Variants in KCNG3 observed in about 807,000 individuals in gnomAD.
The protein encoded by KCNG3 is potassium voltage-gated channel modifier subfamily G member 3.
A neutral mutation model predicts 29.0 loss-of-function variants in KCNG3; 15 were observed. The ratio of observed to expected loss-of-function variants is 0.52; its 90% CI spans 0.35 to 0.80. The LOEUF (loss-of-function observed/expected upper bound fraction) is 0.80, where lower values mean the gene tolerates loss of function less well. KCNG3 is among the 30% of genes least tolerant of loss of function. The pLI, the probability that KCNG3 is intolerant of heterozygous loss-of-function variation, is 0.01. For missense variants in KCNG3, 512 were observed against 605.7 expected (o/e 0.85, Z 1.62); for synonymous variants, 322 against 248.9 (o/e 1.29, Z -2.76).
At chr2:42,459,422 C>A (rs574934054) in intron 1 of KCNG3, among the ~76,000 whole-genome samples, 1 of 152,278 alleles carries the variant, frequency 6.6e-6, no homozygotes, top group East Asian at 1.9e-4. Context: ...AACTAATGTG[C>A]ACAAAGGAGG....
intron 1 of KCNG3, among the ~76,000 whole-genome samples, chr2:42,484,686 T>C (rs765928526): frequency 1.3e-5 from 2 of 152,206 alleles, no homozygotes; most frequent in African/African-American, 2.4e-5. Flanking sequence ...TTTTTTCCGA[T>C]GAAGAAAGTT....
chr2:42,473,511 G>C (rs1572857844), intron 1 of KCNG3, among the ~76,000 whole-genome samples: 1 of 151,836 alleles, frequency 6.6e-6, no homozygotes, highest in Non-Finnish European at 1.5e-5. Context: ...CACCATGCCT[G>C]ACTAATTTTT....
chr2:42,408,237 G>C, the KCNG3 span, among the ~76,000 whole-genome samples: 7 of 152,320 alleles, frequency 4.6e-5, no homozygotes, highest in East Asian at 5.8e-4. Context: ...GCTCCTGGGC[G>C]TAAGAGGGCG....
At chr2:42,452,995 T>C (rs908792228) in intron 1 of KCNG3, among the ~76,000 whole-genome samples, 1 of 152,228 alleles carries the variant, frequency 6.6e-6, no homozygotes, top group African/African-American at 2.4e-5. Context: ...TTGGCCAAGC[T>C]GGTCTCGAAC....
downstream of KCNG3, among the ~76,000 whole-genome samples, chr2:42,439,513 T>C (rs1432144361): frequency 2.0e-5 from 3 of 151,624 alleles, no homozygotes; most frequent in African/African-American, 4.8e-5. Context: ...TCTGCCCACC[T>C]TGGCCTCCCA....
chr2:42,401,086 A>G, the KCNG3 span, among the ~76,000 whole-genome samples: 2 of 150,676 alleles, frequency 1.3e-5, no homozygotes, highest in East Asian at 1.9e-4. Context: ...TTTAAAATGT[A>G]TATGTATATA....
intron 1 of KCNG3, among the ~76,000 whole-genome samples, chr2:42,449,784 T>C (rs1433648496): frequency 6.6e-6 from 1 of 152,136 alleles, no homozygotes; most frequent in Non-Finnish European, 1.5e-5. Flanking sequence ...TCTTAGGTAG[T>C]AAACTGGTAA....
intron 1 of KCNG3, among the ~76,000 whole-genome samples, chr2:42,452,758 T>C (rs1176422167): frequency 7.6e-6 from 1 of 131,320 alleles, no homozygotes; most frequent in African/African-American, 2.8e-5. Context: ...ATTTCCTTTA[T>C]ACATTCAACT....
chr2:42,460,097 C>G (rs891776909), intron 1 of KCNG3, among the ~76,000 whole-genome samples: 1 of 152,098 alleles, frequency 6.6e-6, no homozygotes, highest in Admixed American at 6.6e-5. Flanking sequence ...GGCAAGGTGG[C>G]TTACATCTGT....
intron 1 of KCNG3, among the ~76,000 whole-genome samples, chr2:42,476,477 A>G (rs1673428829): frequency 6.6e-6 from 1 of 151,864 alleles, no homozygotes; most frequent in African/African-American, 2.4e-5. Flanking sequence ...ATCCTTCTCA[A>G]TAAAAATTTA....
At chr2:42,470,207 C>A (rs553832359) in intron 1 of KCNG3, 3 of 419,400 alleles carry the variant, frequency 7.2e-6, no homozygotes, top group East Asian at 1.0e-4. Flanking sequence ...TAAGACAAAG[C>A]GAGTCCTCCC....
intron 1 of KCNG3, among the ~76,000 whole-genome samples, chr2:42,483,127 AT>A (rs981179761): frequency 6.6e-6 from 1 of 152,198 alleles, no homozygotes; most frequent in African/African-American, 2.4e-5. Flanking sequence ...TCTCAAAAAA[AT>A]AAAAATAAAA....
chr2:42,454,540 C>T (rs759708642), intron 1 of KCNG3, among the ~76,000 whole-genome samples: 2 of 152,050 alleles, frequency 1.3e-5, no homozygotes, highest in African/African-American at 2.4e-5. Context: ...GGCAAAACCT[C>T]GTCTCTACTA....
chr2:42,491,922 T>C (rs1175818409), intron 1 of KCNG3, among the ~76,000 whole-genome samples: 2 of 152,144 alleles, frequency 1.3e-5, no homozygotes, highest in African/African-American at 2.4e-5. Context: ...GCAGTTTGGG[T>C]TTTGTGCCCC....
At chr2:42,490,275 T>G (rs747752530) in intron 1 of KCNG3, among the ~76,000 whole-genome samples, 1 of 152,088 alleles carries the variant, frequency 6.6e-6, no homozygotes, top group Non-Finnish European at 1.5e-5. Flanking sequence ...AACTAGAATT[T>G]ATATAAATGA....
chr2:42,463,302 G>C (rs1450452592), intron 1 of KCNG3: 3 of 185,794 alleles, frequency 1.6e-5, no homozygotes, highest in Non-Finnish European at 3.3e-5. Context: ...GCAGGCATCA[G>C]GGTCCATCTG....
chr2:42,461,302 G>C (rs1208062714), intron 1 of KCNG3, among the ~76,000 whole-genome samples: 2 of 151,730 alleles, frequency 1.3e-5, no homozygotes, highest in African/African-American at 4.8e-5. Context: ...GAGGACTTGG[G>C]TTGCTTTTTC....
the KCNG3 span, among the ~76,000 whole-genome samples, chr2:42,398,720 G>C: frequency 6.6e-6 from 1 of 152,166 alleles, no homozygotes; most frequent in African/African-American, 2.4e-5. Flanking sequence ...ATGTTCTCAC[G>C]TATCCAAGGG....
intron 1 of KCNG3, among the ~76,000 whole-genome samples, chr2:42,452,243 A>ATATATATTTTTTT: frequency 4.8e-4 from 46 of 95,044 alleles, no homozygotes; most frequent in Non-Finnish European, 7.9e-4. Flanking sequence ...ATATATATAT[A>ATATATATTTTTTT]TTTTTTTTTT....
Sources: gnomAD v4.1 joint callset for allele counts (sites outside exome capture counted in the v4.1 genomes callset) on GRCh38, gnomAD v4.1.1 for gene constraint, MANE v1.5 for transcripts, NCBI Gene and HGNC (gene_info 2026-07-23, HGNC 2026-07-21) for gene names.